The following SPTB variants were observed in gnomAD, a reference collection of about 807,000 sequenced individuals.
SPTB encodes spectrin beta, erythrocytic.
Under a neutral mutation model 256.2 loss-of-function variants are expected in SPTB, and 45 were observed. That is an observed-to-expected ratio of 0.18 (90% CI 0.14 to 0.23). The LOEUF is 0.23. Ranked by LOEUF, SPTB falls within the 10% of genes least tolerant of loss-of-function variation. The pLI, the probability that SPTB is intolerant of heterozygous loss-of-function variation, is 1.00. For synonymous variants in SPTB, 1,231 were observed against 1,243.1 expected (o/e 0.99, Z 0.21); for missense variants, 2,715 against 3,040.4 (o/e 0.89, Z 2.52).
rs199733502 is a variant in SPTB at position 64,766,831 on chromosome 14, C to A, written c.6270-30G>T. On this transcript the variant is annotated intron_variant, in intron 31 of 35. Transcript: ENST00000644917. Reference sequence around the variant, plus strand: ...GGAAGACACAGTCTCTCTTTAGAAACAAGCACCCCTCTGAGGCCAGTGCCT... The same window carrying A: ...GGAAGACACAGTCTCTCTTTAGAAAAAAGCACCCCTCTGAGGCCAGTGCCT... The A allele has an allele frequency of 4.2e-5, 68 of 1,607,426 alleles. No homozygotes were observed. In the Admixed American group the frequency reaches 4.8e-4, roughly 11 times the overall value.
intron 32 of SPTB, chr14:64,766,492 G>T: frequency 6.9e-7 from 1 of 1,444,492 alleles, no homozygotes; most frequent in Non-Finnish European, 9.1e-7. Flanking sequence ...TCACTGGGCT[G>T]GCCTGTTTCC....
intron 2 of SPTB, among the ~76,000 whole-genome samples, chr14:64,817,069 G>A (rs1439548416): frequency 1.3e-5 from 2 of 152,232 alleles, no homozygotes; most frequent in African/African-American, 2.4e-5. Context: ...GTCACCCATA[G>A]AAGGGAAGCA....
At chr14:64,857,565 A>G (rs1184623441) in intron 1 of SPTB, among the ~76,000 whole-genome samples, 4 of 130,322 alleles carry the variant, frequency 3.1e-5, no homozygotes, top group Admixed American at 8.2e-5. Flanking sequence ...GCGACAGAGC[A>G]AGACACTGCC....
intron 1 of SPTB, among the ~76,000 whole-genome samples, chr14:64,839,482 TTGA>T: frequency 6.6e-6 from 1 of 152,288 alleles, no homozygotes; most frequent in South Asian, 2.1e-4. Flanking sequence ...GAGGCTGATT[TTGA>T]TGATGGTGAT....
intron 3 of SPTB, 152 bp from the exon 4 acceptor site, chr14:64,803,932 C>G (rs1397427096): frequency 6.0e-6 from 5 of 833,252 alleles, no homozygotes; most frequent in Non-Finnish European, 9.2e-6. Flanking sequence ...CTATTCAATG[C>G]TTTCCTTTTA....
At chr14:64,761,877 G>A (rs931229879) in intron 32 of SPTB, among the ~76,000 whole-genome samples, 12 of 152,044 alleles carry the variant, frequency 7.9e-5, no homozygotes, top group Non-Finnish European at 1.8e-4. Context: ...TGGTCACATC[G>A]TCCACTTCAA....
rs1271230465 is a variant in SPTB at position 64,782,300 on chromosome 14, G to A, written c.4256C>T (p.Ala1419Val). 6.2e-7 allele frequency: 1 copy of A among 1,614,060 alleles called. No individual in the cohort carries two copies. Among genetic ancestry groups the A allele is most frequent in the Non-Finnish European group, 8.5e-7 (1 of 1,180,042 alleles). Residue 1419 changes from alanine (A) to valine (V), a missense_variant, in exon 20 of 36, where the codon GCT becomes GTT. Transcript: ENST00000644917. ...AACCCACTCACGTGCCTTCAGCTTA[G>A]CCAACATCCGATTGACACTGGTCAG... ...KDLTSVNRMLAKLKRVEDQVN... is the reference protein window; with the variant it reads ...KDLTSVNRMLVKLKRVEDQVN...
Position 64,827,974 on chromosome 14 carries a change from C to T in SPTB, c.-51-4829G>A, listed in dbSNP as rs983060567. 1.3e-5 allele frequency among the ~76,000 whole-genome samples: 2 copies of T among 152,204 alleles called. No individual in the cohort carries two copies. The highest frequency in any genetic ancestry group is 4.8e-5 in the African/African-American group (2 of 41,448). On this transcript the variant is annotated intron_variant, in intron 1 of 35. Transcript: ENST00000644917. The surrounding 1 kb of genome is among the most constrained non-coding windows in gnomAD (Gnocchi z 4.6). ...ACACCACCAGCAGTTCCTGGACAAGCCACTTCCCCTCCCCAGAGCACATTC... is the reference window on the plus strand; with the variant it reads ...ACACCACCAGCAGTTCCTGGACAAGTCACTTCCCCTCCCCAGAGCACATTC...
intron 32 of SPTB, among the ~76,000 whole-genome samples, chr14:64,765,045 C>T (rs563191636): frequency 8.6e-4 from 71 of 82,118 alleles, no homozygotes; most frequent in African/African-American, 1.9e-3. Flanking sequence ...TGTGTGTGCG[C>T]GCGCGCGCGC....
rs1348746766 is a variant in SPTB at position 64,759,259 on chromosome 14, GCCAAGTAGCTGGGCAGGGAC to G, written c.6346-5486_6346-5467del. Among the ~76,000 whole-genome samples, 3 of 136,652 alleles carry G rather than the reference GCCAAGTAGCTGGGCAGGGAC, an allele frequency of 2.2e-5. No individual in the cohort carries two copies. Among genetic ancestry groups the G allele is most frequent in the Non-Finnish European group, 4.8e-5 (3 of 62,264 alleles). 89.6% of individuals were successfully genotyped at this position (136,652 alleles called of 152,430 possible). ...AGGGAGCCAAGTAGCTAGGCAGGGA[GCCAAGTAGCTGGGCAGGGAC>G]CCACCCATGACCCCCTGGCTGCGAA... is the stretch of plus-strand genomic sequence containing the variant. On this transcript the variant is annotated intron_variant, in intron 32 of 35. Coordinates refer to ENST00000644917, the MANE Select transcript of SPTB (RefSeq NM_001355436.2). The surrounding 1 kb of genome is among the most constrained non-coding windows in gnomAD (Gnocchi z 4.8).
intron 1 of SPTB, among the ~76,000 whole-genome samples, chr14:64,861,648 T>C (rs936182013): frequency 6.6e-6 from 1 of 152,212 alleles, no homozygotes; most frequent in Non-Finnish European, 1.5e-5. Flanking sequence ...TGTTATTCAC[T>C]GCACAAAACT....
At chr14:64,818,792 G>A (rs1487582645) in intron 2 of SPTB, among the ~76,000 whole-genome samples, 1 of 152,176 alleles carries the variant, frequency 6.6e-6, no homozygotes, top group Non-Finnish European at 1.5e-5. Context: ...GAGATGGGGG[G>A]AGCCTTTCTA....
intron 1 of SPTB, among the ~76,000 whole-genome samples, chr14:64,869,054 A>G (rs1183426420): frequency 6.6e-6 from 1 of 152,108 alleles, no homozygotes; most frequent in Non-Finnish European, 1.5e-5. Context: ...GCTGAGAATT[A>G]AGAGTCATGT....
chr14:64,813,130 C>A (rs1279809423), intron 2 of SPTB, among the ~76,000 whole-genome samples: 5 of 152,090 alleles, frequency 3.3e-5, no homozygotes, highest in Non-Finnish European at 7.4e-5. Flanking sequence ...ATTTTTTCTT[C>A]TTTTTTGCTT....
At position 64,749,234 on chromosome 14, in the gene SPTB, G is replaced by T; in HGVS notation, c.*72C>A. On this transcript the variant is annotated 3_prime_UTR_variant, in exon 36 of 36. Transcript: ENST00000644917. The surrounding 1 kb of genome is among the most constrained non-coding windows in gnomAD (Gnocchi z 4.7). Reference sequence around the variant, plus strand: ...CTCGATTCGACCGGCGGGCGGCGGCGAGAGGAGGCCAAGGCCTGGGCTGCC... The same window carrying T: ...CTCGATTCGACCGGCGGGCGGCGGCTAGAGGAGGCCAAGGCCTGGGCTGCC... 6.6e-7 allele frequency: 1 copy of T among 1,515,006 alleles called. No homozygotes were observed. The highest frequency in any genetic ancestry group is 1.2e-5 in the South Asian group (1 of 83,128). 93.8% of individuals were successfully genotyped at this position (1,515,006 alleles called of 1,614,324 possible).
At position 64,759,710 on chromosome 14, in the gene SPTB, G is replaced by A. The variant is rs187897771; in HGVS notation, c.6346-5917C>T. ...TCCACCTTTGTGCTGTAAGGCAGGG[G>A]CTGCTGCTGGAGTCCTCAGGTCATC... On this transcript the variant is annotated intron_variant, in intron 32 of 35. Transcript: ENST00000644917. This position sits in a 1 kb window ranked among gnomAD's most constrained non-coding sequence, Gnocchi z 4.8. 1.3e-5 allele frequency among the ~76,000 whole-genome samples: 2 copies of A among 152,368 alleles called. No individual in the cohort carries two copies. Among genetic ancestry groups the A allele is most frequent in the Non-Finnish European group, 2.9e-5 (2 of 68,038 alleles).
At chr14:64,858,415 C>G (rs147428649) in intron 1 of SPTB, among the ~76,000 whole-genome samples, 90 of 152,290 alleles carry the variant, frequency 5.9e-4, no homozygotes, top group East Asian at 5.8e-3. Flanking sequence ...AAGGCACCAT[C>G]TAGAGAAACT....
intron 3 of SPTB, 120 bp from the exon 4 acceptor site, chr14:64,803,900 G>A: frequency 1.9e-6 from 2 of 1,034,252 alleles, no homozygotes; most frequent in East Asian, 5.2e-5. Flanking sequence ...CAAACACCAA[G>A]TCCCATGGTC....
At position 64,822,173 on chromosome 14, in the gene SPTB, CAA is replaced by C. The variant is rs1416337976; in HGVS notation, c.148+772_148+773del. 1.3e-5 allele frequency among the ~76,000 whole-genome samples: 2 copies of C among 150,164 alleles called. 1 individual carries two copies. The highest frequency in any genetic ancestry group is 3.0e-5 in the Non-Finnish European group (2 of 67,674). On this transcript the variant is annotated intron_variant, in intron 2 of 35. Coordinates refer to ENST00000644917, the MANE Select transcript of SPTB (RefSeq NM_001355436.2). ...CATACACACACAACCCCATGTAACT[CAA>C]ACTTTCTTATTGGCCGAAGACTTAA...
Sources: gnomAD v4.1 joint callset for allele counts (sites outside exome capture counted in the v4.1 genomes callset) on GRCh38, gnomAD v4.1.1 for gene constraint, Gnocchi (gnomAD v3.1) non-coding constraint, MANE v1.5 for transcripts, NCBI Gene and HGNC (gene_info 2026-07-23, HGNC 2026-07-21) for gene names.